The following KANK1 variants were observed in gnomAD, a reference collection of about 807,000 sequenced individuals.
KANK1 encodes KN motif and ankyrin repeat domains 1, also known as KN motif and ankyrin repeat domain-containing protein 1.
Under a neutral mutation model 106.2 loss-of-function variants are expected in KANK1, and 109 were observed. That is an observed-to-expected ratio of 1.03 (90% confidence interval 0.88 to 1.20). The LOEUF is 1.20. KANK1 is among the 50% of genes most tolerant of loss of function. The pLI is 0.00. For missense variants in KANK1, 2,399 were observed against 1,710.7 expected (o/e 1.40, Z -7.10); for synonymous variants, 873 against 652.2 (o/e 1.34, Z -5.16).
At chr9:532,743 G>A (rs10975021) in intron 1 of KANK1, among the ~76,000 whole-genome samples, 9,087 of 152,130 alleles carry the variant, frequency 0.06, 917 homozygotes, top group African/African-American at 0.21. Flanking sequence ...GAATATCTTG[G>A]AAGTGCGTAA....
chr9:616,231 A>G (rs765588253), intron 1 of KANK1, among the ~76,000 whole-genome samples: 2 of 152,206 alleles, frequency 1.3e-5, no homozygotes, highest in Non-Finnish European at 2.9e-5. Context: ...ACCTTATTGC[A>G]TGACATAACC....
chr9:742,821 T>C (rs1014591909), intron 10 of KANK1, among the ~76,000 whole-genome samples: 11 of 152,186 alleles, frequency 7.2e-5, no homozygotes, highest in African/African-American at 2.7e-4. Context: ...GTTCCTACTA[T>C]AGTGAACCTT....
chr9:591,627 GCACA>G (rs899914091), intron 1 of KANK1, among the ~76,000 whole-genome samples: 2 of 151,230 alleles, frequency 1.3e-5, no homozygotes, highest in Non-Finnish European at 2.9e-5. Flanking sequence ...GTGCACACGC[GCACA>G]CACACACACT....
In KANK1 at chr9:598,620, C is replaced by CTTTTTTTTTTTTT. The variant is rs3028166; in HGVS notation, c.-83-78252_-83-78240dup. On this transcript the variant is annotated intron_variant, in intron 1 of 11. Coordinates refer to ENST00000382297, the MANE Select transcript of KANK1 (RefSeq NM_015158.5). ...TTTTTTGTTTTGTTTTGTTGGTTTT[C>CTTTTTTTTTTTTT]TTTTTTTTTTTTTTTTTTTTTTTTT... Among the ~76,000 whole-genome samples, 93 of 46,682 alleles carry CTTTTTTTTTTTTT rather than the reference C, an allele frequency of 2.0e-3. 22 individuals carry two copies. The highest frequency in any genetic ancestry group is 4.6e-3 in the East Asian group (7 of 1,512). 30.6% of individuals were successfully genotyped at this position (46,682 alleles called of 152,430 possible). A position where few individuals can be genotyped will look rare whatever the true frequency, so the allele number is the denominator to read the frequency against.
chr9:507,499 C>G (rs984487748), intron 1 of KANK1, among the ~76,000 whole-genome samples: 4 of 151,986 alleles, frequency 2.6e-5, no homozygotes, highest in Admixed American at 2.6e-4. Flanking sequence ...AAGCGATTCT[C>G]CTGCCTCAGC....
chr9:568,534 G>A (rs573075166), intron 1 of KANK1, among the ~76,000 whole-genome samples: 1 of 152,130 alleles, frequency 6.6e-6, no homozygotes, highest in African/African-American at 2.4e-5. Flanking sequence ...CTGTTGCCCA[G>A]GTTGGAGTGC....
chr9:602,953 C>G (rs1828140748), intron 1 of KANK1, among the ~76,000 whole-genome samples: 1 of 151,860 alleles, frequency 6.6e-6, no homozygotes, highest in African/African-American at 2.4e-5. Flanking sequence ...CCACGTGTGG[C>G]TGATGGGGTT....
upstream of KANK1, among the ~76,000 whole-genome samples, chr9:502,223 G>A (rs2058568048): frequency 1.2e-5 from 1 of 82,902 alleles, no homozygotes; most frequent in Non-Finnish European, 2.3e-5. Flanking sequence ...TGGGTATGGG[G>A]TTTCTTACTG....
rs1046001079 is a variant in KANK1, at chr9:636,813, G to A, written c.-83-40077G>A. 2.8e-4 allele frequency among the ~76,000 whole-genome samples: 42 copies of A among 152,220 alleles called. 1 individual carries two copies. Among genetic ancestry groups the A allele is most frequent in the African/African-American group, 9.9e-4 (41 of 41,444 alleles). ...ACCCGGGAGGTGGAGGTTGCAGTGA[G>A]CCGAGATTGCCATTGGACTCCAGCC... is the stretch of plus-strand genomic sequence containing the variant. On this transcript the variant is annotated intron_variant, in intron 1 of 11. Transcript: ENST00000382297.
At position 714,361 on chromosome 9, in the gene KANK1, AT is replaced by A. The variant is rs33935286; in HGVS notation, c.2698+915del. Among the ~76,000 whole-genome samples the A allele has an allele frequency of 8.5e-3, 1,095 of 128,790 alleles. 10 individuals carry two copies. The highest frequency in any genetic ancestry group is 0.012 in the Middle Eastern group (3 of 250). The allele number at this position is 128,790 out of a possible 152,430, so 84.5% of individuals were successfully genotyped here. On this transcript the variant is annotated intron_variant, in intron 3 of 11. Transcript: ENST00000382297. The stretch of plus-strand genomic sequence containing the variant: ...GAGAGAAGGGAGTCTTTTCCCACTC[AT>A]TTTTTTTTTTTTTTTTTGAGACAGA...
At chr9:743,883 T>C (rs1174434455) in intron 10 of KANK1, among the ~76,000 whole-genome samples, 1 of 152,132 alleles carries the variant, frequency 6.6e-6, no homozygotes, top group Non-Finnish European at 1.5e-5. Flanking sequence ...GAAGACAAGT[T>C]GTGTTGTTCT....
At chr9:704,593 C>T (rs1365702684) in intron 2 of KANK1, among the ~76,000 whole-genome samples, 1 of 152,140 alleles carries the variant, frequency 6.6e-6, no homozygotes, top group Admixed American at 6.5e-5. Context: ...GCCATGGCCA[C>T]CCCTATTCAT....
chr9:521,734 A>G lies in KANK1; in HGVS notation c.-84+16980A>G, dbSNP rs757961029. ...AGGTGTGCGCCACCACGCGTGGCTG[A>G]TTTTTGTATTATTGGTAGAGATGGG... On this transcript the variant is annotated intron_variant, in intron 1 of 11. Transcript: ENST00000382297. Among the ~76,000 whole-genome samples, 72 of 151,024 alleles carry G rather than the reference A, an allele frequency of 4.8e-4. 1 individual carries two copies. The highest frequency in any genetic ancestry group is 1.9e-4 in the Non-Finnish European group (13 of 67,956).
At chr9:562,421 A>G (rs1816740303) in intron 1 of KANK1, among the ~76,000 whole-genome samples, 1 of 152,222 alleles carries the variant, frequency 6.6e-6, no homozygotes, top group Non-Finnish European at 1.5e-5. Flanking sequence ...ATGGGAACGG[A>G]CAAAAAGCTG....
At chr9:508,583 G>C (rs1472876740) in intron 1 of KANK1, among the ~76,000 whole-genome samples, 2 of 146,300 alleles carry the variant, frequency 1.4e-5, no homozygotes, top group Non-Finnish European at 2.9e-5. Context: ...CCCTCCCGAA[G>C]AGTAACCGTT....
intron 1 of KANK1, among the ~76,000 whole-genome samples, chr9:560,629 C>T (rs1276651188): frequency 2.0e-5 from 3 of 152,162 alleles, no homozygotes; most frequent in Admixed American, 2.0e-4. Context: ...TTTAAATTAT[C>T]ACCAGATAAA....
chr9:681,323 C>G (rs538455597), intron 2 of KANK1, among the ~76,000 whole-genome samples: 1 of 152,296 alleles, frequency 6.6e-6, no homozygotes, highest in East Asian at 1.9e-4. Context: ...ACTGTTCTCT[C>G]ATAGCCAGCT....
chr9:562,767 C>G (rs1563773852), intron 1 of KANK1, among the ~76,000 whole-genome samples: 2 of 152,154 alleles, frequency 1.3e-5, no homozygotes, highest in Admixed American at 6.5e-5. Context: ...TTAAAGCTTT[C>G]TAATGGATGA....
At chr9:476,266 A>G (rs2058100628) in intron 3 of KANK1, among the ~76,000 whole-genome samples, 1 of 152,110 alleles carries the variant, frequency 6.6e-6, no homozygotes, top group African/African-American at 2.4e-5. Context: ...CACGCCTGTA[A>G]TCCCAGCACT....
Sources: gnomAD v4.1 joint callset for allele counts (sites outside exome capture counted in the v4.1 genomes callset) on GRCh38, gnomAD v4.1.1 for gene constraint, MANE v1.5 for transcripts, NCBI Gene and HGNC (gene_info 2026-07-23, HGNC 2026-07-21) for gene names.